TMEM108: variants seen among roughly 807,000 people sequenced by gnomAD.
The protein encoded by TMEM108 is cancer/testis antigen 124.
In TMEM108, 12 loss-of-function variants were observed where a neutral mutation model predicts 35.1. The observed-to-expected ratio is 0.34, with a 90% CI of 0.22 to 0.55. The LOEUF (loss-of-function observed/expected upper bound fraction) is 0.55. Ranked by LOEUF, TMEM108 falls within the 20% of genes least tolerant of loss-of-function variation. The probability of loss-of-function intolerance (pLI) is 0.89; values close to 1 mark genes in which losing one functional copy is unlikely to be tolerated. For missense variants in TMEM108, 680 were observed against 753.3 expected (o/e 0.90, Z 1.14); for synonymous variants, 287 against 308.6 (o/e 0.93, Z 0.73).
chr3:133,311,655 A>G (rs1024007952), intron 3 of TMEM108, among the ~76,000 whole-genome samples: 3 of 152,218 alleles, frequency 2.0e-5, no homozygotes, highest in African/African-American at 7.2e-5. Context: ...AATGGGTTAG[A>G]ACATGCTCCT....
chr3:133,132,109 A>G (rs1425142578), intron 2 of TMEM108, among the ~76,000 whole-genome samples: 3 of 152,194 alleles, frequency 2.0e-5, no homozygotes, highest in African/African-American at 7.2e-5. Flanking sequence ...CCATCTCCAT[A>G]ACAGAAAAGT....
At chr3:133,139,498 A>T (rs1033207254) in intron 2 of TMEM108, among the ~76,000 whole-genome samples, 3 of 152,228 alleles carry the variant, frequency 2.0e-5, no homozygotes, top group African/African-American at 4.8e-5. Context: ...TTGTAACTCC[A>T]GAAAATAGTT....
At chr3:133,219,811 T>C (rs953998868) in intron 2 of TMEM108, among the ~76,000 whole-genome samples, 1 of 152,126 alleles carries the variant, frequency 6.6e-6, no homozygotes, top group Non-Finnish European at 1.5e-5. Context: ...TGCTCTTAGG[T>C]GGAATGTTCT....
intron 4 of TMEM108, among the ~76,000 whole-genome samples, chr3:133,384,224 T>A (rs565927925): frequency 7.0e-6 from 1 of 142,844 alleles, no homozygotes; most frequent in South Asian, 2.3e-4. Flanking sequence ...TGCCAGATAT[T>A]TCAGGCACTC....
At chr3:133,297,461 T>C (rs1213158562) in intron 3 of TMEM108, among the ~76,000 whole-genome samples, 1 of 152,136 alleles carries the variant, frequency 6.6e-6, no homozygotes, top group Non-Finnish European at 1.5e-5. Flanking sequence ...GAGGGAAAGC[T>C]TCAGGCTCGT....
intron 2 of TMEM108, among the ~76,000 whole-genome samples, chr3:133,070,238 C>A (rs375026045): frequency 2.6e-5 from 4 of 152,186 alleles, no homozygotes; most frequent in African/African-American, 9.6e-5. Flanking sequence ...GTTAGAGAGA[C>A]CCTCAGAGTG....
At chr3:133,137,496 C>T (rs902351580) in intron 2 of TMEM108, among the ~76,000 whole-genome samples, 22 of 152,280 alleles carry the variant, frequency 1.4e-4, no homozygotes, top group African/African-American at 5.3e-4. Flanking sequence ...CTTCAAGTAA[C>T]AAAGGAAGGA....
chr3:133,378,303 A>G (rs2072902773), intron 3 of TMEM108: 16 of 978,862 alleles, frequency 1.6e-5, no homozygotes, highest in Non-Finnish European at 1.9e-5. Flanking sequence ...TGTCAAAGGC[A>G]TGCCTGGAGA....
Position 133,247,373 on chromosome 3 carries a change from A to G in TMEM108, c.40+18022A>G, listed in dbSNP as rs151210768. ...TTTATTTCAGATGTCTTTTTAAGCT[A>G]CCTGCCCATGTTTTAGGAGCTAACA... On this transcript the variant is annotated intron_variant, in intron 3 of 5. Coordinates refer to ENST00000321871, the MANE Select transcript of TMEM108 (RefSeq NM_023943.4). 3.3e-5 allele frequency: 5 copies of G among 152,276 alleles called. No homozygotes were observed. In the East Asian group the frequency reaches 9.6e-4, roughly 29 times the overall value. The allele number at this position is 152,276 out of a possible 1,614,324, so 9.4% of individuals were successfully genotyped here.
Position 133,171,489 on chromosome 3 carries a change from G to T in TMEM108, c.-46-57777G>T, listed in dbSNP as rs534747903. Among the ~76,000 whole-genome samples the T allele has an allele frequency of 1.1e-4, 16 of 152,238 alleles. No homozygotes were observed. In the South Asian group the frequency reaches 3.3e-3, roughly 32 times the overall value. On this transcript the variant is annotated intron_variant, in intron 2 of 5. Transcript: ENST00000321871. ...ACTCCTGGACTCAAGTGATTCTCCTGCCTCAGTGTCCCAAATAGCTGAATA... is the reference window on the plus strand; with the variant it reads ...ACTCCTGGACTCAAGTGATTCTCCTTCCTCAGTGTCCCAAATAGCTGAATA...
chr3:133,175,945 C>T (rs1323165388), intron 2 of TMEM108, among the ~76,000 whole-genome samples: 20 of 143,870 alleles, frequency 1.4e-4, no homozygotes, highest in African/African-American at 2.9e-4. Flanking sequence ...TGCAGAGACA[C>T]ACATAGGCTC....
intron 3 of TMEM108, among the ~76,000 whole-genome samples, chr3:133,261,858 A>G (rs778527610): frequency 6.6e-6 from 1 of 152,182 alleles, no homozygotes. Flanking sequence ...TTAATATGTT[A>G]TAGTTAGCTC....
At chr3:133,347,062 T>G (rs1302247746) in intron 3 of TMEM108, among the ~76,000 whole-genome samples, 1 of 152,126 alleles carries the variant, frequency 6.6e-6, no homozygotes, top group African/African-American at 2.4e-5. Flanking sequence ...AGTCTTGAAG[T>G]TGGATAGTGT....
In TMEM108 at chr3:133,188,325, G is replaced by T. The variant is rs1252375719; in HGVS notation, c.-46-40941G>T. ...TGAAAGAGATTGGATATTATAGGGG[G>T]CCCTTTCTCCTTCTTTTGTCCTCTC... On this transcript the variant is annotated intron_variant, in intron 2 of 5. Transcript: ENST00000321871. 2.6e-5 allele frequency among the ~76,000 whole-genome samples: 4 copies of T among 152,138 alleles called. No individual in the cohort carries two copies. In the East Asian group the frequency reaches 7.7e-4, roughly 29 times the overall value.
At chr3:133,078,073 T>C (rs893731503) in intron 2 of TMEM108, among the ~76,000 whole-genome samples, 2 of 151,780 alleles carry the variant, frequency 1.3e-5, no homozygotes, top group African/African-American at 4.8e-5. Context: ...GATGGAGGGA[T>C]GGCAAAATGG....
intron 2 of TMEM108, among the ~76,000 whole-genome samples, chr3:133,097,007 G>T (rs910561766): frequency 1.1e-4 from 17 of 152,176 alleles, no homozygotes; most frequent in Non-Finnish European, 2.1e-4. Flanking sequence ...TCTTCTGTCC[G>T]CACCCTTGCA....
intron 4 of TMEM108, chr3:133,386,534 A>G: frequency 6.5e-7 from 1 of 1,528,484 alleles, no homozygotes; most frequent in South Asian, 1.2e-5. Context: ...CTGACAAGCC[A>G]TGGATGACTC....
intron 2 of TMEM108, among the ~76,000 whole-genome samples, chr3:133,166,178 A>G (rs1240526094): frequency 3.3e-5 from 5 of 152,226 alleles, no homozygotes; most frequent in African/African-American, 1.2e-4. Context: ...CAATTAAAAC[A>G]TAGTTTTTGT....
chr3:133,305,998 C>A (rs564272430), intron 3 of TMEM108, among the ~76,000 whole-genome samples: 1 of 152,192 alleles, frequency 6.6e-6, no homozygotes, highest in Admixed American at 6.5e-5. Context: ...AGGTCTTTAG[C>A]AAACCTATGT....
Sources: allele counts gnomAD v4.1 joint callset (sites outside exome capture counted in the v4.1 genomes callset), GRCh38; gene constraint gnomAD v4.1.1; transcripts MANE v1.5; gene names NCBI Gene and HGNC (gene_info 2026-07-23, HGNC 2026-07-21).